The following PALM2AKAP2 variants were observed in gnomAD, a reference collection of about 807,000 sequenced individuals.
The protein encoded by PALM2AKAP2 is PALM2-AKAP2 fusion protein.
A neutral mutation model predicts 71.5 loss-of-function variants in PALM2AKAP2; 37 were observed. The ratio of observed to expected loss-of-function variants is 0.52; its 90% CI spans 0.40 to 0.68. The LOEUF is 0.68. Among genes scored for constraint, PALM2AKAP2 ranks in the 30% least tolerant of loss-of-function variants. The probability of loss-of-function intolerance (pLI) is 0.00; values close to 1 mark genes in which losing one functional copy is unlikely to be tolerated. For missense variants in PALM2AKAP2, 1,224 were observed against 1,191.8 expected (o/e 1.03, Z -0.40); for synonymous variants, 468 against 478.8 (o/e 0.98, Z 0.29).
intron 1 of PALM2AKAP2, among the ~76,000 whole-genome samples, chr9:109,782,833 C>A (rs35632072): frequency 0.22 from 33,558 of 150,830 alleles, 6,691 homozygotes; most frequent in African/African-American, 0.53. Context: ...GGTGGGGGGA[C>A]TTATGGCCAC....
At chr9:110,014,948 C>T (rs1832953791) in intron 6 of PALM2AKAP2, among the ~76,000 whole-genome samples, 1 of 148,540 alleles carries the variant, frequency 6.7e-6, no homozygotes, top group Non-Finnish European at 1.5e-5. Flanking sequence ...TGAATTAGTA[C>T]AATTTTACTA....
At chr9:109,883,015 G>A (rs1159841312) in intron 3 of PALM2AKAP2, among the ~76,000 whole-genome samples, 1 of 152,036 alleles carries the variant, frequency 6.6e-6, no homozygotes, top group East Asian at 1.9e-4. Flanking sequence ...TTTAACCTTG[G>A]CTTGAATGCA....
chr9:110,074,126 A>G (rs544716711), intron 1 of PALM2AKAP2, among the ~76,000 whole-genome samples: 11 of 152,342 alleles, frequency 7.2e-5, no homozygotes, highest in Admixed American at 5.9e-4. Flanking sequence ...AGATCTAATC[A>G]TGAGGAAATA....
At chr9:109,819,691 A>ATGTG (rs113678587) in intron 1 of PALM2AKAP2, among the ~76,000 whole-genome samples, 3 of 145,914 alleles carry the variant, frequency 2.1e-5, no homozygotes, top group Admixed American at 2.0e-4. Flanking sequence ...AGGCCTAATT[A>ATGTG]TGTGTGTGTG....
At chr9:109,943,457 C>A (rs1831426058) in intron 6 of PALM2AKAP2, 2 of 1,567,788 alleles carry the variant, frequency 1.3e-6, no homozygotes, top group South Asian at 2.4e-5. Context: ...TTCTGGGCAG[C>A]CTGTACTCTC....
At chr9:109,833,737 C>T (rs1828375330) in intron 1 of PALM2AKAP2, among the ~76,000 whole-genome samples, 1 of 152,216 alleles carries the variant, frequency 6.6e-6, no homozygotes, top group African/African-American at 2.4e-5. Flanking sequence ...TGGTGCTCCA[C>T]AGTCACTGTG....
rs71302632 is a variant in PALM2AKAP2 at position 110,105,943 on chromosome 9, T to TTATA, written c.157-30175_157-30172dup. 3.7e-4 allele frequency among the ~76,000 whole-genome samples: 56 copies of TTATA among 152,034 alleles called. No individual in the cohort carries two copies. The East Asian group carries it at 8.9e-3, about 24-fold the overall frequency. ...ATAAAGCAAGGCAGTCTAGGCTGTT[T>TTATA]TATATATATATACGCACTTTATCCT... On this transcript the variant is annotated intron_variant, in intron 1 of 3. Transcript: ENST00000374525.
At chr9:109,673,269 T>G (rs1283767866) in intron 1 of PALM2AKAP2, among the ~76,000 whole-genome samples, 3 of 152,120 alleles carry the variant, frequency 2.0e-5, no homozygotes, top group Non-Finnish European at 1.5e-5. Context: ...CTCTTAACAA[T>G]GACTTAGCTG....
chr9:109,757,721 A>G (rs1828985903), intron 1 of PALM2AKAP2, among the ~76,000 whole-genome samples: 1 of 152,002 alleles, frequency 6.6e-6, no homozygotes, highest in Admixed American at 6.6e-5. Context: ...GATCTTAGAG[A>G]TCAACTTCAT....
chr9:110,001,429 GT>G (rs1832679253), intron 6 of PALM2AKAP2, among the ~76,000 whole-genome samples: 1 of 152,188 alleles, frequency 6.6e-6, no homozygotes, highest in African/African-American at 2.4e-5. Flanking sequence ...TTGTAGTATA[GT>G]TTGAAGTCAG....
chr9:110,171,907 G>T (rs530296859), exon 4 of PALM2AKAP2: 2 of 152,766 alleles, frequency 1.3e-5, no homozygotes, highest in East Asian at 3.9e-4. Flanking sequence ...TGGAAACAGG[G>T]TCTGTCAGTG....
intron 3 of PALM2AKAP2, among the ~76,000 whole-genome samples, chr9:109,919,706 G>A (rs1255134123): frequency 6.9e-6 from 1 of 145,906 alleles, no homozygotes; most frequent in African/African-American, 2.6e-5. Context: ...ATATTAGTAG[G>A]ATGTATATAT....
At chr9:110,005,832 G>A (rs1310217676) in intron 6 of PALM2AKAP2, among the ~76,000 whole-genome samples, 2 of 152,204 alleles carry the variant, frequency 1.3e-5, no homozygotes, top group Non-Finnish European at 2.9e-5. Flanking sequence ...AGCCAGGCGT[G>A]GGATACAATC....
intron 6 of PALM2AKAP2, among the ~76,000 whole-genome samples, chr9:109,998,365 G>A (rs1832613683): frequency 6.6e-6 from 1 of 152,130 alleles, no homozygotes; most frequent in South Asian, 2.1e-4. Flanking sequence ...AAGTTCCTTT[G>A]CTGTGTCTAT....
chr9:109,905,645 C>T (rs1467793981), intron 3 of PALM2AKAP2, among the ~76,000 whole-genome samples: 3 of 152,214 alleles, frequency 2.0e-5, no homozygotes, highest in Non-Finnish European at 4.4e-5. Flanking sequence ...ATCCTTCAGT[C>T]GGCTACCCCA....
At chr9:109,713,320 GC>G (rs1215421821) in intron 1 of PALM2AKAP2, among the ~76,000 whole-genome samples, 6 of 152,250 alleles carry the variant, frequency 3.9e-5, no homozygotes, top group African/African-American at 1.4e-4. Flanking sequence ...GAAAGTGGGG[GC>G]TGGGAAATAT....
chr9:110,147,983 C>T (rs555372631), intron 2 of PALM2AKAP2, among the ~76,000 whole-genome samples: 29 of 151,920 alleles, frequency 1.9e-4, no homozygotes, highest in Non-Finnish European at 3.8e-4. Flanking sequence ...CACTATGATT[C>T]GAAAAACTAA....
intron 1 of PALM2AKAP2, among the ~76,000 whole-genome samples, chr9:109,670,192 GTTGTACAGATTAT>G (rs1827553443): frequency 6.6e-6 from 1 of 152,022 alleles, no homozygotes; most frequent in South Asian, 2.1e-4. Flanking sequence ...ATGGGAGTTT[GTTGTACAGATTAT>G]TTCATCACCC....
At chr9:109,660,991 C>G (rs767471476) in intron 1 of PALM2AKAP2, among the ~76,000 whole-genome samples, 1 of 152,096 alleles carries the variant, frequency 6.6e-6, no homozygotes, top group Non-Finnish European at 1.5e-5. Context: ...ATTCATATAC[C>G]TTGCCCACTT....
Sources: gnomAD v4.1 joint callset for allele counts (sites outside exome capture counted in the v4.1 genomes callset) on GRCh38, gnomAD v4.1.1 for gene constraint, MANE v1.5 for transcripts, NCBI Gene and HGNC (gene_info 2026-07-23, HGNC 2026-07-21) for gene names.